The following CPNE4 variants were observed in gnomAD, a reference collection of about 807,000 sequenced individuals.
CPNE4 encodes the protein copine-4.
In CPNE4, 25 loss-of-function variants were observed where a neutral mutation model predicts 67.9. That is an observed-to-expected ratio of 0.37 (90% CI 0.27 to 0.51). The LOEUF (loss-of-function observed/expected upper bound fraction) is 0.51. Ranked by LOEUF, CPNE4 falls within the 20% of genes least tolerant of loss-of-function variation. The pLI is 0.93. For synonymous variants in CPNE4, 242 were observed against 244.9 expected (o/e 0.99, Z 0.11); for missense variants, 464 against 690.8 (o/e 0.67, Z 3.68).
chr3:132,005,737 T>C (rs1365282167), intron 1 of CPNE4, among the ~76,000 whole-genome samples: 1 of 151,296 alleles, frequency 6.6e-6, no homozygotes, highest in African/African-American at 2.4e-5. Flanking sequence ...AACCTACGTA[T>C]AAAAAAGACA....
At chr3:131,761,069 GAATT>G (rs747070170) in intron 2 of CPNE4, among the ~76,000 whole-genome samples, 10 of 152,088 alleles carry the variant, frequency 6.6e-5, no homozygotes, top group Non-Finnish European at 8.8e-5. Flanking sequence ...AATGAGGATA[GAATT>G]GTTTAGCTTG....
At chr3:131,814,598 TTTTTTTTTTTTTTTTTTTTTTTTTG>T (rs2084661791) in intron 2 of CPNE4, among the ~76,000 whole-genome samples, 2 of 68,812 alleles carry the variant, frequency 2.9e-5, no homozygotes, top group African/African-American at 9.1e-5. Context: ...TTTTTTTTTT[TTTTTTTTTTTTTTTTTTTTTTTTTG>T]AGACGGAGTC....
chr3:131,814,572 A>ATTTTTT (rs71136418), intron 2 of CPNE4, among the ~76,000 whole-genome samples: 7 of 71,134 alleles, frequency 9.8e-5, no homozygotes, highest in Admixed American at 2.0e-4. Flanking sequence ...TTGAAATGCA[A>ATTTTTT]TTTTTTTTTT....
chr3:131,725,017 A>G (rs2081970609), intron 2 of CPNE4, among the ~76,000 whole-genome samples: 1 of 152,226 alleles, frequency 6.6e-6, no homozygotes, highest in South Asian at 2.1e-4. Flanking sequence ...TTACAAATCA[A>G]CTGGAACCTC....
intron 1 of CPNE4, among the ~76,000 whole-genome samples, chr3:131,974,917 A>G (rs1319663539): frequency 5.3e-5 from 8 of 151,906 alleles, no homozygotes; most frequent in Non-Finnish European, 7.4e-5. Flanking sequence ...CTGAGGGGGG[A>G]GGATGGCTTG....
At chr3:131,596,226 A>ATGGTATCACAAG (rs1345969523) in intron 7 of CPNE4, among the ~76,000 whole-genome samples, 1 of 152,180 alleles carries the variant, frequency 6.6e-6, no homozygotes, top group African/African-American at 2.4e-5. Context: ...TCAGCTTGTG[A>ATGGTATCACAAG]TGGTATCACA....
upstream of CPNE4, chr3:132,037,743 A>T: frequency 1.4e-6 from 1 of 699,184 alleles, no homozygotes; most frequent in Non-Finnish European, 2.5e-6. Flanking sequence ...GCATCCGCTC[A>T]GTGTCTTATG....
At chr3:131,917,813 T>A (rs767420014) in intron 1 of CPNE4, among the ~76,000 whole-genome samples, 2 of 152,158 alleles carry the variant, frequency 1.3e-5, no homozygotes, top group Non-Finnish European at 2.9e-5. Flanking sequence ...GAAGACATTA[T>A]CAGATGAGTA....
intron 2 of CPNE4, among the ~76,000 whole-genome samples, chr3:131,801,408 A>G (rs1427304816): frequency 2.7e-4 from 19 of 70,594 alleles, no homozygotes; most frequent in Admixed American, 2.3e-3. Context: ...ATATAGGTAC[A>G]TATATACGTG....
rs1186325817 is a variant in CPNE4, at chr3:132,006,112, T to C, written c.-2+28455A>G. Among the ~76,000 whole-genome samples, 73 of 152,236 alleles carry C rather than the reference T, an allele frequency of 4.8e-4. 2 individuals carry two copies. The highest frequency in any genetic ancestry group is 1.2e-4 in the Non-Finnish European group (8 of 68,016). On this transcript the variant is annotated intron_variant, in intron 1 of 15. Transcript: ENST00000429747. ...ATCTCAACGTATTGTTGTTGTTTTATTTACCTGCAGGGGATATTACCATTA... is the reference window on the plus strand; with the variant it reads ...ATCTCAACGTATTGTTGTTGTTTTACTTACCTGCAGGGGATATTACCATTA...
intron 1 of CPNE4, among the ~76,000 whole-genome samples, chr3:132,018,738 C>T (rs2073936025): frequency 6.6e-6 from 1 of 152,190 alleles, no homozygotes; most frequent in Non-Finnish European, 1.5e-5. Context: ...CCTATCCAAA[C>T]TCATGCTGCA....
At chr3:131,898,788 T>C (rs575201444) in intron 2 of CPNE4, among the ~76,000 whole-genome samples, 2 of 152,244 alleles carry the variant, frequency 1.3e-5, no homozygotes, top group Admixed American at 6.5e-5. Context: ...TTATATTCAA[T>C]ACTCAGGGTA....
At chr3:131,963,648 G>C (rs1341585194) in intron 1 of CPNE4, among the ~76,000 whole-genome samples, 1 of 152,190 alleles carries the variant, frequency 6.6e-6, no homozygotes, top group Non-Finnish European at 1.5e-5. Context: ...ACTCACCGCA[G>C]GGCAGCGAAG....
At chr3:131,543,099 C>A in intron 14 of CPNE4, 1 of 274,728 alleles carries the variant, frequency 3.6e-6, no homozygotes, top group Non-Finnish European at 6.9e-6. Flanking sequence ...GACCCTGGGA[C>A]GATCCCTTAA....
rs575368094 is a variant in CPNE4 at position 131,564,175 on chromosome 3, A to G, written c.1061+41T>C. 293 of 1,611,390 alleles carry G rather than the reference A, an allele frequency of 1.8e-4. 1 individual carries two copies. The South Asian group carries it at 2.4e-3, about 13-fold the overall frequency. Reference sequence around the variant, plus strand: ...TCAGCCAAAGACCGTCTGAACCCACATGAGAGATGATAAGGCTCCAAATGT... The same window carrying G: ...TCAGCCAAAGACCGTCTGAACCCACGTGAGAGATGATAAGGCTCCAAATGT... On this transcript the variant is annotated intron_variant, in intron 11 of 15. Transcript: ENST00000429747.
chr3:131,859,437 A>G (rs978745460), intron 2 of CPNE4, among the ~76,000 whole-genome samples: 2 of 152,038 alleles, frequency 1.3e-5, no homozygotes, highest in South Asian at 2.1e-4. Flanking sequence ...TTGCAACCCA[A>G]TCTAGCCTTT....
chr3:131,786,771 T>G lies in CPNE4; in HGVS notation c.181-63146A>C, dbSNP rs543417197. On this transcript the variant is annotated intron_variant, in intron 2 of 15. Transcript: ENST00000429747. ...TATGAAGATTAAGTGAGAATATCCT[T>G]AAAAAGTACATGGCGCAGTGCTTGG... Among the ~76,000 whole-genome samples, 4 of 152,280 alleles carry G rather than the reference T, an allele frequency of 2.6e-5. No homozygotes were observed. In the East Asian group the frequency reaches 7.7e-4, roughly 29 times the overall value.
At chr3:131,947,699 G>T (rs1387368075) in intron 1 of CPNE4, among the ~76,000 whole-genome samples, 1 of 152,096 alleles carries the variant, frequency 6.6e-6, no homozygotes, top group Non-Finnish European at 1.5e-5. Context: ...ATAAACATAC[G>T]TGTGCATGTA....
At chr3:131,707,998 T>C (rs2081455855) in intron 3 of CPNE4, among the ~76,000 whole-genome samples, 1 of 152,220 alleles carries the variant, frequency 6.6e-6, no homozygotes, top group South Asian at 2.1e-4. Flanking sequence ...GCATCAGGCA[T>C]ATACAAATGT....
Sources: allele counts gnomAD v4.1 joint callset (sites outside exome capture counted in the v4.1 genomes callset), GRCh38; gene constraint gnomAD v4.1.1; transcripts MANE v1.5; gene names NCBI Gene and HGNC (gene_info 2026-07-23, HGNC 2026-07-21).